Variants in CALCRL observed in about 807,000 individuals in gnomAD.
CALCRL encodes calcitonin receptor like receptor.
CALCRL carries 27 observed loss-of-function variants against 60.4 expected under a neutral mutation model. The observed-to-expected ratio is 0.45, with a 90% CI of 0.33 to 0.62. The LOEUF is 0.62. Ranked by LOEUF, CALCRL falls within the 20% of genes least tolerant of loss-of-function variation. CALCRL has a pLI of 0.03. For synonymous variants in CALCRL, 190 were observed against 182.6 expected (o/e 1.04, Z -0.33); for missense variants, 424 against 540.7 (o/e 0.78, Z 2.14).
intron 1 of CALCRL, among the ~76,000 whole-genome samples, chr2:187,393,121 A>G (rs1332379306): frequency 1.3e-5 from 2 of 152,100 alleles, no homozygotes; most frequent in South Asian, 2.1e-4. Context: ...CTGATGTAGT[A>G]AACACCATGT....
intron 1 of CALCRL, among the ~76,000 whole-genome samples, chr2:187,409,710 A>G (rs931754691): frequency 2.6e-5 from 4 of 152,220 alleles, no homozygotes; most frequent in African/African-American, 9.6e-5. Flanking sequence ...TCAAAATGAC[A>G]AGATAGTCCT....
intron 8 of CALCRL, among the ~76,000 whole-genome samples, chr2:187,366,248 T>TAAAAAAAAA (rs1687281048): frequency 2.4e-4 from 1 of 4,086 alleles, no homozygotes; most frequent in South Asian, 5.4e-3. Flanking sequence ...AGACTCCGTC[T>TAAAAAAAAA]CAAAAAAAAA....
chr2:187,431,628 A>G (rs1312158685), intron 1 of CALCRL, among the ~76,000 whole-genome samples: 1 of 152,108 alleles, frequency 6.6e-6, no homozygotes, highest in Non-Finnish European at 1.5e-5. Context: ...AACAGGCACA[A>G]ACATGGAGGC....
At chr2:187,439,931 G>A (rs1013758133) in intron 1 of CALCRL, among the ~76,000 whole-genome samples, 4 of 152,150 alleles carry the variant, frequency 2.6e-5, no homozygotes, top group African/African-American at 9.7e-5. Flanking sequence ...AGGTCCATAA[G>A]TAAGGAAGAT....
In CALCRL at chr2:187,345,688, C is replaced by CAA. The variant is rs5837031; in HGVS notation, c.*494_*495dup. 392 of 150,418 alleles carry CAA rather than the reference C, an allele frequency of 2.6e-3. 2 individuals are homozygous for CAA. Among genetic ancestry groups the CAA allele is most frequent in the African/African-American group, 8.7e-3 (358 of 40,998 alleles). The allele number at this position is 150,418 out of a possible 1,614,324, so 9.3% of individuals were successfully genotyped here. ...ACAAAAAGGACTACGGCACTCTGGGCAAAAAAAAAGTCAACTGCCCCAATC... is the reference window on the plus strand; with the variant it reads ...ACAAAAAGGACTACGGCACTCTGGGCAAAAAAAAAAAGTCAACTGCCCCAATC... On this transcript the variant is annotated 3_prime_UTR_variant, in exon 15 of 15. Coordinates refer to ENST00000392370, the MANE Select transcript of CALCRL (RefSeq NM_005795.6).
At chr2:187,406,302 A>G (rs1345276578) in intron 1 of CALCRL, among the ~76,000 whole-genome samples, 1 of 152,026 alleles carries the variant, frequency 6.6e-6, no homozygotes, top group Non-Finnish European at 1.5e-5. Context: ...AATATTGCAT[A>G]TATTTTGTTT....
At chr2:187,364,187 G>T (rs1310453669) in intron 8 of CALCRL, among the ~76,000 whole-genome samples, 1 of 142,836 alleles carries the variant, frequency 7.0e-6, no homozygotes, top group Non-Finnish European at 1.6e-5. Flanking sequence ...TCACATAGAA[G>T]TAGATTTCAA....
At chr2:187,436,548 A>G (rs1223653256) in intron 1 of CALCRL, 1 of 152,206 alleles carries the variant, frequency 6.6e-6, no homozygotes, top group African/African-American at 2.4e-5. Flanking sequence ...TTTTAAATAA[A>G]TACTTTTCAG....
intron 1 of CALCRL, among the ~76,000 whole-genome samples, chr2:187,405,442 T>A (rs1337344486): frequency 6.6e-6 from 1 of 152,042 alleles, no homozygotes; most frequent in Non-Finnish European, 1.5e-5. Flanking sequence ...TCTGCTTTGT[T>A]ACGGAGTACC....
rs114834655 is a variant in CALCRL at position 187,349,363 on chromosome 2, T to A, written c.1170+2557A>T. ...GGTGGGAAAGAAAAAAACACAAATA[T>A]TAAGCTAAAGGCAGGCATTTGACCT... On this transcript the variant is annotated intron_variant, in intron 14 of 14. Transcript: ENST00000392370. 3.2e-3 allele frequency among the ~76,000 whole-genome samples: 484 copies of A among 151,676 alleles called. 2 individuals are homozygous for A. Among genetic ancestry groups the A allele is most frequent in the African/African-American group, 0.011 (468 of 41,466 alleles).
At chr2:187,419,272 C>T (rs552211507) in intron 1 of CALCRL, among the ~76,000 whole-genome samples, 6 of 152,066 alleles carry the variant, frequency 3.9e-5, no homozygotes, top group African/African-American at 9.6e-5. Context: ...AAAGTGATTA[C>T]GGTTAATGAA....
At chr2:187,409,081 G>T (rs759881223) in intron 1 of CALCRL, among the ~76,000 whole-genome samples, 15 of 152,114 alleles carry the variant, frequency 9.9e-5, no homozygotes, top group South Asian at 2.1e-4. Flanking sequence ...AACAGTCCTT[G>T]TGAGCTTTTT....
In CALCRL at chr2:187,363,425, A is replaced by G. The variant is rs746893933; in HGVS notation, c.578T>C (p.Ile193Thr). The G allele has an allele frequency of 1.9e-6, 3 of 1,612,906 alleles. No homozygotes were observed. The highest frequency in any genetic ancestry group is 1.7e-6 in the Non-Finnish European group (2 of 1,179,356). ...GTTGTTGGCCACTGCAGTGAGGTGAATGATTGTTACAACAGAGTTACAAAC... is the reference window on the plus strand; with the variant it reads ...GTTGTTGGCCACTGCAGTGAGGTGAGTGATTGTTACAACAGAGTTACAAAC... ...SFVCNSVVTI[I>T]HLTAVANNQA... Residue 193 changes from isoleucine to threonine, a missense_variant, in exon 9 of 15, where the codon ATT becomes ACT. Ile to Thr is a moderately conservative substitution (Grantham distance 89, BLOSUM62 -1). Transcript: ENST00000392370.
At chr2:187,363,602 C>T in intron 8 of CALCRL, 100 bp from the exon 9 acceptor site, 1 of 1,206,014 alleles carries the variant, frequency 8.3e-7, no homozygotes, top group Non-Finnish European at 1.1e-6. Flanking sequence ...AGCTGATCCA[C>T]TTTTGAAACA....
intron 1 of CALCRL, among the ~76,000 whole-genome samples, chr2:187,400,530 TTATA>T: frequency 6.6e-6 from 1 of 151,438 alleles, no homozygotes; most frequent in African/African-American, 2.4e-5. Context: ...CCACTTTTAG[TTATA>T]AACTCGAGAA....
At position 187,351,978 on chromosome 2, in the gene CALCRL, G is replaced by A. The variant is rs763347227; in HGVS notation, c.1129-17C>T. ...CAAAAGACCCTGTAAAAGAAAAATA[G>A]AATGATCTGAATCCAAATGGAAAGA... On this transcript the variant is annotated splice_polypyrimidine_tract_variant and intron_variant, in intron 13 of 14. Transcript: ENST00000392370. 3 of 1,592,574 alleles carry A rather than the reference G, an allele frequency of 1.9e-6. No homozygotes were observed. The Admixed American group carries it at 5.1e-5, about 27-fold the overall frequency.
At chr2:187,383,490 C>T (rs1688068831) in intron 4 of CALCRL, among the ~76,000 whole-genome samples, 185 bp from the exon 5 acceptor site, 1 of 152,080 alleles carries the variant, frequency 6.6e-6, no homozygotes, top group Non-Finnish European at 1.5e-5. Flanking sequence ...ATATCCCCAC[C>T]ATGTCCAATT....
intron 4 of CALCRL, 88 bp downstream of exon 4, chr2:187,385,457 G>A: frequency 3.0e-6 from 2 of 677,576 alleles, no homozygotes; most frequent in Non-Finnish European, 5.1e-6. Flanking sequence ...ACTAATTTCT[G>A]TATCTAGTAA....
At position 187,363,325 on chromosome 2, in the gene CALCRL, C is replaced by A. The variant is rs778980690; in HGVS notation, c.627+51G>T. On this transcript the variant is annotated intron_variant, in intron 9 of 14. Coordinates refer to ENST00000392370, the MANE Select transcript of CALCRL (RefSeq NM_005795.6). ...CATTATGCATATATCAGCCATGTTCCCCCTTTCCCATTAGGCCCTTGAACC... is the reference window on the plus strand; with the variant it reads ...CATTATGCATATATCAGCCATGTTCACCCTTTCCCATTAGGCCCTTGAACC... 16 of 1,555,254 alleles carry A rather than the reference C, an allele frequency of 1.0e-5. No individual in the cohort carries two copies. The Middle Eastern group carries it at 8.6e-4, about 84-fold the overall frequency.
Sources: gnomAD v4.1 joint callset for allele counts (sites outside exome capture counted in the v4.1 genomes callset) on GRCh38, gnomAD v4.1.1 for gene constraint, MANE v1.5 for transcripts, NCBI Gene and HGNC (gene_info 2026-07-23, HGNC 2026-07-21) for gene names.